Variants in BRF1 observed in about 807,000 individuals in gnomAD.
The protein encoded by BRF1 is BRF1 general transcription factor IIIB subunit.
Under a neutral mutation model 81.7 loss-of-function variants are expected in BRF1, and 59 were observed. The observed-to-expected ratio is 0.72, with a 90% CI of 0.59 to 0.90. The LOEUF is 0.90. BRF1 is among the 40% of genes least tolerant of loss of function. The pLI is 0.00. For missense variants in BRF1, 1,050 were observed against 936.3 expected, an observed-to-expected ratio of 1.12 and a Z score of -1.58; for synonymous variants, 491 against 395.6, an observed-to-expected ratio of 1.24 and a Z score of -2.86.
At position 105,209,655 on chromosome 14, in the gene BRF1, G is replaced by T; in HGVS notation, c.*896C>A. 1 of 683,294 alleles carries T rather than the reference G, an allele frequency of 1.5e-6. No homozygotes were observed. Among genetic ancestry groups the T allele is most frequent in the South Asian group, 1.5e-5 (1 of 65,194 alleles). 42.3% of individuals were successfully genotyped at this position (683,294 alleles called of 1,614,324 possible). A position where few individuals can be genotyped will look rare whatever the true frequency, so the allele number is the denominator to read the frequency against. On this transcript the variant is annotated 3_prime_UTR_variant, in exon 18 of 18. Transcript: ENST00000547530. ...TCCGTCTGCCCTCCCTCCTCGATGG[G>T]GGGCCTGATCCAGCTCTGACAGGGA... is the stretch of plus-strand genomic sequence containing the variant.
Position 105,241,724 on chromosome 14 carries a change from C to A in BRF1, c.545-310G>T, listed in dbSNP as rs976763791. 1.8e-5 allele frequency: 8 copies of A among 435,050 alleles called. No individual in the cohort carries two copies. In the Admixed American group the frequency reaches 2.8e-4, roughly 15 times the overall value. 26.9% of individuals were successfully genotyped at this position (435,050 alleles called of 1,614,324 possible). ...AGGGGCGCACACCCAGCAGCCTTCCCTCCAGACCATGCAGACAGCACCACA... is the reference window on the plus strand; with the variant it reads ...AGGGGCGCACACCCAGCAGCCTTCCATCCAGACCATGCAGACAGCACCACA... On this transcript the variant is annotated intron_variant, in intron 5 of 17. Transcript: ENST00000547530.
intron 15 of BRF1, chr14:105,217,262 G>T (rs1891478998): frequency 1.8e-6 from 1 of 549,700 alleles, no homozygotes; most frequent in Non-Finnish European, 3.2e-6. Flanking sequence ...CGACCCCACG[G>T]ATTGTCCCAG....
chr14:105,289,949 C>T (rs762879706), intron 1 of BRF1, among the ~76,000 whole-genome samples: 3 of 152,040 alleles, frequency 2.0e-5, no homozygotes, highest in East Asian at 3.9e-4. Context: ...TTTTTCTAAG[C>T]GTTCGAATTA....
At chr14:105,290,320 G>A in intron 1 of BRF1, among the ~76,000 whole-genome samples, 1 of 152,158 alleles carries the variant, frequency 6.6e-6, no homozygotes, top group East Asian at 1.9e-4. Flanking sequence ...TCAGGAGGCT[G>A]AAGCGGGAGA....
In BRF1 at chr14:105,221,797, GCAC is replaced by G. The variant is rs587772315; in HGVS notation, c.1163_1165del (p.Gly388del). 2.5e-4 allele frequency: 410 copies of G among 1,611,738 alleles called. 10 individuals carry two copies. The highest frequency in any genetic ancestry group is 2.3e-3 in the South Asian group (211 of 90,946). On this transcript the variant is annotated inframe_deletion, in exon 11 of 18. Coordinates refer to ENST00000547530, the MANE Select transcript of BRF1 (RefSeq NM_001519.4). The stretch of plus-strand genomic sequence containing the variant: ...TCCTGCTGCTTCCGAGCTGCCGGGG[GCAC>G]CACCAAGGAGCTCCCGGTATAAGTC...
intron 2 of BRF1, 81 bp from the exon 3 acceptor site, chr14:105,272,975 T>A: frequency 7.0e-7 from 1 of 1,424,372 alleles, no homozygotes; most frequent in Non-Finnish European, 9.3e-7. Context: ...GCAGCAACTT[T>A]AAGAATATAG....
chr14:105,292,079 C>T (rs2057538194), intron 1 of BRF1, among the ~76,000 whole-genome samples: 1 of 152,220 alleles, frequency 6.6e-6, no homozygotes, highest in Non-Finnish European at 1.5e-5. Context: ...CAGCCTCAAC[C>T]TCTCGGACTC....
intron 6 of BRF1, among the ~76,000 whole-genome samples, chr14:105,229,608 C>G (rs1205858720): frequency 6.6e-6 from 1 of 152,248 alleles, no homozygotes; most frequent in Non-Finnish European, 1.5e-5. Flanking sequence ...TGGGGGGTCA[C>G]AGAGGTCCAA....
At chr14:105,247,983 C>G (rs2055239680) in intron 5 of BRF1, 1 of 985,490 alleles carries the variant, frequency 1.0e-6, no homozygotes, top group South Asian at 4.7e-5. Flanking sequence ...AGGCAGGGCG[C>G]GCCCTGGGGC....
Position 105,271,845 on chromosome 14 carries a change from C to T in BRF1, c.439+876G>A, listed in dbSNP as rs982001981. On this transcript the variant is annotated intron_variant, in intron 3 of 17. Coordinates refer to ENST00000547530, the MANE Select transcript of BRF1 (RefSeq NM_001519.4). The surrounding 1 kb of genome is among the most constrained non-coding windows in gnomAD (Gnocchi z 5.5). ...CACCGCTGAGGGTCGGCAGCCTCCC[C>T]GCCCACCGCCTGCAGTCACGGTGTC... is the stretch of plus-strand genomic sequence containing the variant. 1.6e-4 allele frequency among the ~76,000 whole-genome samples: 24 copies of T among 151,080 alleles called. No homozygotes were observed. Among genetic ancestry groups the T allele is most frequent in the African/African-American group, 5.8e-4 (24 of 41,064 alleles).
rs1488685811 is a variant in BRF1, at chr14:105,209,714, C to T, written c.*837G>A. 6 of 617,714 alleles carry T rather than the reference C, an allele frequency of 9.7e-6. No homozygotes were observed. The highest frequency in any genetic ancestry group is 1.8e-5 in the African/African-American group (1 of 54,626). The allele number at this position is 617,714 out of a possible 1,614,324, so 38.3% of individuals were successfully genotyped here. ...GCCCTCTGGCTCTGTCCACGGGGAACTCCCAGCGCCAGGACACTATGCAGG... is the reference window on the plus strand; with the variant it reads ...GCCCTCTGGCTCTGTCCACGGGGAATTCCCAGCGCCAGGACACTATGCAGG... On this transcript the variant is annotated 3_prime_UTR_variant, in exon 18 of 18. Transcript: ENST00000547530.
chr14:105,278,122 T>A (rs2056920317), intron 2 of BRF1, among the ~76,000 whole-genome samples: 1 of 152,060 alleles, frequency 6.6e-6, no homozygotes, highest in Admixed American at 6.6e-5. Flanking sequence ...AGCCTGCGAG[T>A]CTCCTTAGAC....
Position 105,209,399 on chromosome 14 carries a change from G to A in BRF1, c.*1152C>T. ...CTACTGAGCTCTGGGCGGGGGTAGG[G>A]GGGTCTGGCCTGCTGCGGGCCAAGT... On this transcript the variant is annotated 3_prime_UTR_variant, in exon 18 of 18. Coordinates refer to ENST00000547530, the MANE Select transcript of BRF1 (RefSeq NM_001519.4). 1.5e-6 allele frequency: 1 copy of A among 649,998 alleles called. No individual in the cohort carries two copies. Among genetic ancestry groups the A allele is most frequent in the Non-Finnish European group, 2.8e-6 (1 of 355,380 alleles). 40.3% of individuals were successfully genotyped at this position (649,998 alleles called of 1,614,324 possible). A position where few individuals can be genotyped will look rare whatever the true frequency, so the allele number is the denominator to read the frequency against.
chr14:105,241,643 C>T (rs938785745), intron 5 of BRF1: 1 of 600,040 alleles, frequency 1.7e-6, no homozygotes. Context: ...CTGCTGCAGA[C>T]ACGCTAGGGC....
chr14:105,303,479 G>A (rs1470642241), upstream of BRF1, among the ~76,000 whole-genome samples: 1 of 152,026 alleles, frequency 6.6e-6, no homozygotes, highest in Non-Finnish European at 1.5e-5. Flanking sequence ...TCCTGACCTC[G>A]TGATCCACCT....
At chr14:105,219,941 C>A (rs1441968322) in intron 12 of BRF1, 128 bp downstream of exon 12, 11 of 974,766 alleles carry the variant, frequency 1.1e-5, no homozygotes, top group Non-Finnish European at 1.7e-5. Context: ...AGGCCAGGAG[C>A]CCACTTCACC....
intron 12 of BRF1, 161 bp downstream of exon 12, chr14:105,219,908 G>T (rs587708812): frequency 1.7e-4 from 127 of 740,378 alleles, no homozygotes; most frequent in Non-Finnish European, 2.5e-4. Flanking sequence ...GTGTGGGGGG[G>T]GGTCCCGGGA....
chr14:105,289,688 T>C lies in BRF1; in HGVS notation c.185-3312A>G, dbSNP rs186210610. On this transcript the variant is annotated intron_variant, in intron 1 of 17. Coordinates refer to ENST00000547530, the MANE Select transcript of BRF1 (RefSeq NM_001519.4). ...TCTCGCTCTATCGCCCAGGCTGGAG[T>C]GTAGTGGTGCGATCTCGGCTCACTG... Among the ~76,000 whole-genome samples the C allele has an allele frequency of 4.0e-4, 60 of 151,884 alleles. 1 individual carries two copies. The highest frequency in any genetic ancestry group is 3.5e-3 in the Admixed American group (54 of 15,236).
Position 105,221,819 on chromosome 14 carries a change from A to C in BRF1, c.1144T>G (p.Tyr382Asp), listed in dbSNP as rs1320262621. ...GGGGCACCACCAAGGAGCTCCCGGTATAAGTCTTTGTTCAGGTGGCTGGCC... is the reference window on the plus strand; with the variant it reads ...GGGGCACCACCAAGGAGCTCCCGGTCTAAGTCTTTGTTCAGGTGGCTGGCC... ...AAASHLNKDL[Y>D]RELLGGAPGS... The change falls in exon 11 of 18, where the codon TAC becomes GAC. Residue 382 changes from tyrosine to aspartate, a missense_variant. Tyr to Asp is a radical substitution (Grantham distance 160). Transcript: ENST00000547530. 1 of 1,611,216 alleles carries C rather than the reference A, an allele frequency of 6.2e-7. No individual in the cohort carries two copies. The highest frequency in any genetic ancestry group is 8.5e-7 in the Non-Finnish European group (1 of 1,179,468).
Sources: allele counts gnomAD v4.1 joint callset (sites outside exome capture counted in the v4.1 genomes callset), GRCh38; gene constraint gnomAD v4.1.1; non-coding constraint Gnocchi (gnomAD v3.1); transcripts MANE v1.5; gene names NCBI Gene and HGNC (gene_info 2026-07-23, HGNC 2026-07-21).